Variants in PDZD7 observed in about 807,000 individuals in gnomAD.
The protein encoded by PDZD7 is PDZ domain-containing protein 7.
Under a neutral mutation model 84.7 loss-of-function variants are expected in PDZD7, and 72 were observed. The ratio of observed to expected loss-of-function variants is 0.85; its 90% CI spans 0.70 to 1.03. The LOEUF (loss-of-function observed/expected upper bound fraction) is 1.03. PDZD7 is among the 50% of genes least tolerant of loss of function. The pLI is 0.00. For synonymous variants in PDZD7, 594 were observed against 580.7 expected (o/e 1.02, Z -0.33); for missense variants, 1,490 against 1,412.9 (o/e 1.05, Z -0.87).
chr10:101,017,629 C>CA (rs781029391), intron 9 of PDZD7: 9 of 699,766 alleles, frequency 1.3e-5, no homozygotes, highest in East Asian at 5.4e-5. Flanking sequence ...CAAAAAGATG[C>CA]AAAAAAATTA....
chr10:101,012,375 G>C (rs1852426899), intron 11 of PDZD7, 117 bp from the exon 12 acceptor site: 1 of 897,518 alleles, frequency 1.1e-6, no homozygotes, highest in Non-Finnish European at 1.8e-6. Flanking sequence ...CCAGCCCTGC[G>C]TGCCTTGGGA....
chr10:101,007,695 T>G lies in PDZD7; in HGVS notation c.*772A>C. The G allele has an allele frequency of 9.7e-7, 1 of 1,029,536 alleles. No individual in the cohort carries two copies. The highest frequency in any genetic ancestry group is 1.2e-6 in the Non-Finnish European group (1 of 847,272). The allele number at this position is 1,029,536 out of a possible 1,614,324, so 63.8% of individuals were successfully genotyped here. ...CCAAAGGAAGAACTCAGAAATGTCT[T>G]GTTTATTTGTGTTTGTGACCAAGCA... On this transcript the variant is annotated 3_prime_UTR_variant, in exon 17 of 17. Coordinates refer to ENST00000619208, the MANE Select transcript of PDZD7 (RefSeq NM_001195263.2).
intron 16 of PDZD7, 129 bp downstream of exon 16, chr10:101,009,121 C>A (rs913814284): frequency 4.5e-6 from 4 of 896,280 alleles, no homozygotes; most frequent in Non-Finnish European, 6.7e-6. Context: ...ACCTGAACCC[C>A]CTCACCCCAA....
intron 15 of PDZD7, 100 bp from the exon 16 acceptor site, chr10:101,009,450 A>G (rs535162040): frequency 1.1e-6 from 1 of 872,316 alleles, no homozygotes; most frequent in South Asian, 1.4e-5. Flanking sequence ...CAAGGCCCCA[A>G]CTTCTCCCAC....
chr10:101,023,754 T>C (rs1050656898), intron 3 of PDZD7, 144 bp from the exon 4 acceptor site: 2 of 1,415,478 alleles, frequency 1.4e-6, no homozygotes, highest in Non-Finnish European at 2.0e-6. Flanking sequence ...TCCCAGTGCC[T>C]AGGGATCTGT....
chr10:101,008,772 G>A lies in PDZD7; in HGVS notation c.2797C>T (p.Arg933Trp), dbSNP rs535407987. The A allele has an allele frequency of 1.7e-5, 26 of 1,535,376 alleles. No individual in the cohort carries two copies. Among genetic ancestry groups the A allele is most frequent in the Middle Eastern group, 3.3e-4 (2 of 5,986 alleles). The change falls in exon 17 of 17, where the codon CGG becomes TGG. Residue 933 changes from arginine to tryptophan, a missense_variant. Arg to Trp is a moderately radical substitution (Grantham distance 101, BLOSUM62 -3). Coordinates refer to ENST00000619208, the MANE Select transcript of PDZD7 (RefSeq NM_001195263.2). The stretch of plus-strand genomic sequence containing the variant: ...TCCCGGGCCTTGTTTCGATAAGCCC[G>A]ACGGATGGTGTCTACTGCACGCTGG... Reference protein sequence around the residue: ...THQRAVDTIRRAYRNKAREPM... With the variant: ...THQRAVDTIRWAYRNKAREPM...
chr10:101,027,834 G>A (rs967201), intron 2 of PDZD7, among the ~76,000 whole-genome samples: 120,466 of 152,162 alleles, frequency 0.79, 47,796 homozygotes, highest in Non-Finnish European at 0.81. Context: ...GTATTTGATA[G>A]GTATTTTTTT....
In PDZD7 at chr10:101,008,763, G is replaced by T. The variant is rs746485256; in HGVS notation, c.2806C>A (p.Arg936=). 1.3e-6 allele frequency: 2 copies of T among 1,535,570 alleles called. No homozygotes were observed. The highest frequency in any genetic ancestry group is 2.7e-5 in the African/African-American group (2 of 73,008). ...TCCATGGGCTCCCGGGCCTTGTTTC[G>T]ATAAGCCCGACGGATGGTGTCTACT... ...RAVDTIRRAY[R]NKAREPMELV... Residue 936 remains arginine, a synonymous_variant, in exon 17 of 17, where the codon CGA becomes AGA. Coordinates refer to ENST00000619208, the MANE Select transcript of PDZD7 (RefSeq NM_001195263.2).
intron 10 of PDZD7, 133 bp downstream of exon 10, chr10:101,016,244 A>C (rs748670902): frequency 1.2e-4 from 111 of 915,682 alleles, no homozygotes; most frequent in Non-Finnish European, 1.9e-4. Flanking sequence ...AATACATACC[A>C]TTCTAGCTGC....
chr10:101,030,499 C>A lies in PDZD7; in HGVS notation c.-165-115G>T. On this transcript the variant is annotated intron_variant, in intron 1 of 16. Transcript: ENST00000619208. ...CCTGCCCTCCCATGCCTTAGGCCCC[C>A]CTCCTGTCTCACCCTAGGCCAGAGA... The A allele has an allele frequency of 5.0e-6, 3 of 597,768 alleles. No homozygotes were observed. In the South Asian group the frequency reaches 5.5e-5, roughly 11 times the overall value. 37.0% of individuals were successfully genotyped at this position (597,768 alleles called of 1,614,324 possible).
chr10:101,014,588 C>T (rs1852525836), intron 11 of PDZD7, among the ~76,000 whole-genome samples: 1 of 152,094 alleles, frequency 6.6e-6, no homozygotes, highest in Non-Finnish European at 1.5e-5. Context: ...GCACACACCC[C>T]TATCTGCAGC....
At chr10:101,020,765 A>G in intron 6 of PDZD7, 87 bp from the exon 7 acceptor site, 2 of 951,146 alleles carry the variant, frequency 2.1e-6, no homozygotes, top group South Asian at 1.3e-5. Flanking sequence ...GGATGGGAGT[A>G]AACTTTCAAC....
chr10:101,028,156 T>G (rs1312939317), intron 2 of PDZD7, among the ~76,000 whole-genome samples: 2 of 152,130 alleles, frequency 1.3e-5, no homozygotes, highest in African/African-American at 2.4e-5. Flanking sequence ...CCCAGTCCAG[T>G]CAGAGGAGAA....
At chr10:101,010,960 C>A in intron 14 of PDZD7, 77 bp from the exon 15 acceptor site, 11 of 1,529,688 alleles carry the variant, frequency 7.2e-6, no homozygotes, top group Non-Finnish European at 9.6e-6. Context: ...TTGTGTGGGG[C>A]CTGTGAGAGC....
Position 101,030,363 on chromosome 10 carries a change from C to G in PDZD7, c.-144G>C. 1 of 750,186 alleles carries G rather than the reference C, an allele frequency of 1.3e-6. No homozygotes were observed. 46.5% of individuals were successfully genotyped at this position (750,186 alleles called of 1,614,324 possible). On this transcript the variant is annotated 5_prime_UTR_variant, in exon 2 of 17. Transcript: ENST00000619208. Reference sequence around the variant, plus strand: ...GTGAAGGCCCTCGCTTGCGATGCCTCTCAGAAGTGTGAGCTCCAGGCCTGG... The same window carrying G: ...GTGAAGGCCCTCGCTTGCGATGCCTGTCAGAAGTGTGAGCTCCAGGCCTGG...
chr10:101,008,909 C>G (rs1590043186), intron 16 of PDZD7, 59 bp from the exon 17 acceptor site: 1 of 1,445,762 alleles, frequency 6.9e-7, no homozygotes, highest in East Asian at 2.5e-5. Flanking sequence ...CATCAGCCCC[C>G]AACCTGAAGG....
In PDZD7 at chr10:101,030,005, G is replaced by C; in HGVS notation, c.215C>G (p.Ser72Cys). 1.2e-6 allele frequency: 2 copies of C among 1,612,896 alleles called. No individual in the cohort carries two copies. The highest frequency in any genetic ancestry group is 1.7e-6 in the Non-Finnish European group (2 of 1,179,970). Reference sequence around the variant, plus strand: ...GGTCCCGCCCCTACCTTCGATGGGGGAGTTGATGAGGATGACGCGTCCCAT... The same window carrying C: ...GGTCCCGCCCCTACCTTCGATGGGGCAGTTGATGAGGATGACGCGTCCCAT... ...SPMGRVILIN[S>C]PIEANSDESD... The change falls in exon 2 of 17, where the codon TCC (serine) becomes TGC (cysteine). Residue 72 changes from serine to cysteine, a missense_variant. Transcript: ENST00000619208.
chr10:101,007,740 T>G lies in PDZD7; in HGVS notation c.*727A>C, dbSNP rs950889789. On this transcript the variant is annotated 3_prime_UTR_variant, in exon 17 of 17. Transcript: ENST00000619208. ...CAAGCAGCCTCTCCCTTCACCCAGGTTTATGGCCTCGTTTTCACTTGTATA... is the reference window on the plus strand; with the variant it reads ...CAAGCAGCCTCTCCCTTCACCCAGGGTTATGGCCTCGTTTTCACTTGTATA... The G allele has an allele frequency of 1.4e-5, 11 of 762,650 alleles. No individual in the cohort carries two copies. In the African/African-American group the frequency reaches 2.1e-4, roughly 14 times the overall value. The allele number at this position is 762,650 out of a possible 1,614,324, so 47.2% of individuals were successfully genotyped here. A position where few individuals can be genotyped will look rare whatever the true frequency, so the allele number is the denominator to read the frequency against.
Position 101,019,110 on chromosome 10 carries a change from G to A in PDZD7, c.1036C>T (p.Arg346Cys). 11 of 1,555,568 alleles carry A rather than the reference G, an allele frequency of 7.1e-6. No individual in the cohort carries two copies. Among genetic ancestry groups the A allele is most frequent in the Non-Finnish European group, 9.5e-6 (11 of 1,157,316 alleles). Residue 346 changes from arginine to cysteine, a missense_variant, in exon 8 of 17, where the codon CGC becomes TGC. Arg to Cys is a radical substitution (Grantham distance 180). Transcript: ENST00000619208. Reference sequence around the variant, plus strand: ...TCCTGCCCGAGGCAGATGTCCATGCGGTCCGACGGCAGGGAGCCCGAGCTG... The same window carrying A: ...TCCTGCCCGAGGCAGATGTCCATGCAGTCCGACGGCAGGGAGCCCGAGCTG... ...PYSSGSLPSD[R>C]MDICLGQEEP...
Sources: gnomAD v4.1 joint callset for allele counts (sites outside exome capture counted in the v4.1 genomes callset) on GRCh38, gnomAD v4.1.1 for gene constraint, MANE v1.5 for transcripts, NCBI Gene and HGNC (gene_info 2026-07-23, HGNC 2026-07-21) for gene names.